The following MYO16 variants were observed in gnomAD, a reference collection of about 807,000 sequenced individuals.
MYO16 encodes unconventional myosin-XVI.
In MYO16, 94 loss-of-function variants were observed where a neutral mutation model predicts 205.3. The observed-to-expected ratio is 0.46, with a 90% confidence interval of 0.39 to 0.54. MYO16 has a LOEUF of 0.54. MYO16 is among the 20% of genes least tolerant of loss of function. MYO16 has a pLI of 0.00. For missense variants in MYO16, 2,315 were observed against 2,387.5 expected (o/e 0.97, Z 0.63); for synonymous variants, 988 against 954.0 (o/e 1.04, Z -0.66).
chr13:108,583,515 G>A, the MYO16 span, among the ~76,000 whole-genome samples: 1 of 152,254 alleles, frequency 6.6e-6, no homozygotes, highest in African/African-American at 2.4e-5. Flanking sequence ...CCACAAGTAT[G>A]CATAGAGGAC....
intron 2 of MYO16, among the ~76,000 whole-genome samples, chr13:108,700,764 G>A (rs1171883352): frequency 6.6e-6 from 1 of 152,118 alleles, no homozygotes; most frequent in Non-Finnish European, 1.5e-5. Flanking sequence ...CACTTAGAAG[G>A]AAAACCTGGA....
intron 10 of MYO16, among the ~76,000 whole-genome samples, chr13:108,848,115 T>C (rs980815925): frequency 2.6e-5 from 4 of 152,060 alleles, no homozygotes; most frequent in Non-Finnish European, 5.9e-5. Context: ...GGACTGGGCT[T>C]GTATGGTTGT....
At chr13:108,958,221 TAATTTA>T (rs1883455045) in intron 17 of MYO16, among the ~76,000 whole-genome samples, 2 of 147,604 alleles carry the variant, frequency 1.4e-5, no homozygotes, top group Non-Finnish European at 3.0e-5. Flanking sequence ...TTATAAAATA[TAATTTA>T]ATATATTTAA....
chr13:108,982,333 G>A (rs1475021457), intron 20 of MYO16, among the ~76,000 whole-genome samples: 9 of 152,080 alleles, frequency 5.9e-5, no homozygotes, highest in African/African-American at 9.7e-5. Flanking sequence ...GTATCTCATA[G>A]CATCATATTA....
the MYO16 span, among the ~76,000 whole-genome samples, chr13:108,548,965 T>A: frequency 1.3e-5 from 2 of 152,126 alleles, no homozygotes; most frequent in Non-Finnish European, 2.9e-5. Context: ...AATGGATAGA[T>A]CTATCTATAG....
At chr13:108,776,233 T>C (rs905658937) in intron 4 of MYO16, among the ~76,000 whole-genome samples, 1 of 152,132 alleles carries the variant, frequency 6.6e-6, no homozygotes, top group Non-Finnish European at 1.5e-5. Context: ...TTTTTATTCA[T>C]GGAGGCGAGA....
chr13:108,499,587 G>T, the MYO16 span, among the ~76,000 whole-genome samples: 1 of 152,128 alleles, frequency 6.6e-6, no homozygotes, highest in Non-Finnish European at 1.5e-5. Context: ...TTCTTACTTG[G>T]TTAGTTTTAT....
At chr13:108,734,602 C>T (rs1215894894) in intron 4 of MYO16, among the ~76,000 whole-genome samples, 1 of 152,156 alleles carries the variant, frequency 6.6e-6, no homozygotes, top group Non-Finnish European at 1.5e-5. Context: ...ACAGGATCTC[C>T]AGGGAAACCA....
intron 16 of MYO16, among the ~76,000 whole-genome samples, chr13:108,953,907 G>A (rs1292302637): frequency 6.6e-6 from 1 of 152,138 alleles, no homozygotes; most frequent in Non-Finnish European, 1.5e-5. Flanking sequence ...GGCTACAGAG[G>A]AAAATGCTCA....
intron 28 of MYO16, among the ~76,000 whole-genome samples, chr13:109,117,494 AATATATATGT>A (rs540028906): frequency 6.7e-6 from 1 of 148,212 alleles, no homozygotes; most frequent in African/African-American, 2.5e-5. Flanking sequence ...ATATATATGT[AATATATATGT>A]ATATATGTAT....
chr13:108,681,992 A>G (rs990034700), intron 2 of MYO16, among the ~76,000 whole-genome samples: 4 of 152,196 alleles, frequency 2.6e-5, no homozygotes, highest in Non-Finnish European at 5.9e-5. Context: ...AATGTAAATG[A>G]TCAGGCCCCA....
At chr13:109,129,065 C>T (rs186122261) in intron 31 of MYO16, among the ~76,000 whole-genome samples, 1 of 150,242 alleles carries the variant, frequency 6.7e-6, no homozygotes, top group Non-Finnish European at 1.5e-5. Flanking sequence ...AGCCACTGCG[C>T]CAGGCCTTTT....
chr13:108,939,811 C>T (rs986145524), intron 16 of MYO16, among the ~76,000 whole-genome samples: 2 of 152,036 alleles, frequency 1.3e-5, no homozygotes, highest in Non-Finnish European at 2.9e-5. Context: ...TGTGGTACTA[C>T]CTATAGTGTT....
chr13:109,205,160 A>G (rs1880546598), intron 34 of MYO16, among the ~76,000 whole-genome samples: 1 of 152,128 alleles, frequency 6.6e-6, no homozygotes, highest in Non-Finnish European at 1.5e-5. Flanking sequence ...TTCTACCCTT[A>G]AGCTCTTCTT....
intron 3 of MYO16, 99 bp from the exon 4 acceptor site, chr13:108,727,341 A>G (rs1884373830): frequency 1.5e-6 from 2 of 1,320,234 alleles, no homozygotes; most frequent in East Asian, 4.7e-5. Context: ...TCAACTCCCA[A>G]AATTGGTATT....
chr13:108,848,964 G>A (rs979325797), intron 10 of MYO16, among the ~76,000 whole-genome samples: 2 of 150,590 alleles, frequency 1.3e-5, no homozygotes, highest in African/African-American at 2.5e-5. Flanking sequence ...ATGTGTGCAC[G>A]AGCACACAGA....
chr13:109,123,254 A>G (rs1876077595), intron 29 of MYO16, among the ~76,000 whole-genome samples: 1 of 152,230 alleles, frequency 6.6e-6, no homozygotes, highest in Non-Finnish European at 1.5e-5. Context: ...ATTGGGATGA[A>G]GTGTGAGAAA....
At position 108,960,841 on chromosome 13, in the gene MYO16, A is replaced by AT. The variant is rs150944018; in HGVS notation, c.2038-690dup. Reference sequence around the variant, plus strand: ...TATCCAAAATCAAATTTAAGGTCTCATTTTTTTTATGCAGCGTTCCAGATT... The same window carrying AT: ...TATCCAAAATCAAATTTAAGGTCTCATTTTTTTTTATGCAGCGTTCCAGATT... On this transcript the variant is annotated intron_variant, in intron 17 of 34. Transcript: ENST00000457511. Among the ~76,000 whole-genome samples the AT allele has an allele frequency of 5.9e-5, 9 of 152,146 alleles. No homozygotes were observed. In the South Asian group the frequency reaches 1.0e-3, roughly 18 times the overall value.
rs150467520 is a variant in MYO16, at chr13:108,937,258, T to TTCTC, written c.1926-20412_1926-20409dup. On this transcript the variant is annotated intron_variant, in intron 16 of 34. Coordinates refer to ENST00000457511, the MANE Select transcript of MYO16 (RefSeq NM_001198950.3). Reference sequence around the variant, plus strand: ...TTCCCCCTTTGTATATGATCTGCTTTTCTCTCTCTCTCTCTCTCTCTAGCT... The same window carrying TTCTC: ...TTCCCCCTTTGTATATGATCTGCTTTTCTCTCTCTCTCTCTCTCTCTCTCTAGCT... 1.2e-3 allele frequency among the ~76,000 whole-genome samples: 179 copies of TTCTC among 149,532 alleles called. 6 individuals are homozygous for TTCTC. The South Asian group carries it at 0.021, about 17-fold the overall frequency.
Sources: gnomAD v4.1 joint callset for allele counts (sites outside exome capture counted in the v4.1 genomes callset) on GRCh38, gnomAD v4.1.1 for gene constraint, MANE v1.5 for transcripts, NCBI Gene and HGNC (gene_info 2026-07-23, HGNC 2026-07-21) for gene names.